The following TMEM132D variants were observed in gnomAD, a reference collection of about 807,000 sequenced individuals.
TMEM132D encodes transmembrane protein 132D, also known as mature OL transmembrane protein.
In TMEM132D, 21 loss-of-function variants were observed where a neutral mutation model predicts 62.3. The ratio of observed to expected loss-of-function variants is 0.34; its 90% CI spans 0.24 to 0.49. The LOEUF is 0.49. Among genes scored for constraint, TMEM132D ranks in the 20% least tolerant of loss-of-function variants. TMEM132D has a pLI of 0.99. For missense variants in TMEM132D, 1,346 were observed against 1,402.8 expected (o/e 0.96, Z 0.65); for synonymous variants, 621 against 575.6 (o/e 1.08, Z -1.13).
chr12:129,824,669 C>A (rs531804209), intron 1 of TMEM132D, among the ~76,000 whole-genome samples: 1 of 152,208 alleles, frequency 6.6e-6, no homozygotes, highest in Non-Finnish European at 1.5e-5. Context: ...AGAGCCCTCA[C>A]CAGAAACTGA....
At chr12:129,777,222 G>A (rs1870967542) in intron 1 of TMEM132D, among the ~76,000 whole-genome samples, 1 of 152,254 alleles carries the variant, frequency 6.6e-6, no homozygotes, top group Non-Finnish European at 1.5e-5. Context: ...TGAAAAGCGA[G>A]TCAGGCAGGA....
intron 2 of TMEM132D, among the ~76,000 whole-genome samples, chr12:129,618,867 A>G (rs941196757): frequency 3.9e-5 from 6 of 152,196 alleles, no homozygotes; most frequent in African/African-American, 1.4e-4. Context: ...GAAGACATCA[A>G]TCTCTACATG....
chr12:129,611,913 T>C (rs1354158290), intron 2 of TMEM132D, among the ~76,000 whole-genome samples: 3 of 152,176 alleles, frequency 2.0e-5, no homozygotes, highest in South Asian at 2.1e-4. Context: ...GCTCCCATTC[T>C]GTTCCCACTA....
chr12:129,668,460 C>A (rs191825197), intron 2 of TMEM132D, among the ~76,000 whole-genome samples: 1 of 151,702 alleles, frequency 6.6e-6, no homozygotes, highest in East Asian at 2.0e-4. Flanking sequence ...AGATGTACGA[C>A]CCTGACTGCA....
At chr12:129,649,418 C>A (rs1004102239) in intron 2 of TMEM132D, among the ~76,000 whole-genome samples, 1 of 152,146 alleles carries the variant, frequency 6.6e-6, no homozygotes. Context: ...CACCCCCACA[C>A]AGGGTAAAAT....
intron 4 of TMEM132D, among the ~76,000 whole-genome samples, chr12:129,311,980 T>C (rs1881987784): frequency 6.6e-6 from 1 of 152,124 alleles, no homozygotes; most frequent in Non-Finnish European, 1.5e-5. Context: ...GACGCAATTG[T>C]GTGCAATGGT....
chr12:129,331,249 T>A (rs74614915), intron 4 of TMEM132D, among the ~76,000 whole-genome samples: 2 of 152,220 alleles, frequency 1.3e-5, no homozygotes, highest in African/African-American at 4.8e-5. Flanking sequence ...GATTCTTCAC[T>A]TTTGTTTAAG....
At chr12:129,329,843 A>G (rs1337030512) in intron 4 of TMEM132D, among the ~76,000 whole-genome samples, 5 of 152,222 alleles carry the variant, frequency 3.3e-5, no homozygotes, top group Non-Finnish European at 7.3e-5. Flanking sequence ...AGGAGAATAC[A>G]TCCCAAAGAT....
chr12:129,769,722 C>T (rs957278080), intron 1 of TMEM132D, among the ~76,000 whole-genome samples: 6 of 152,200 alleles, frequency 3.9e-5, no homozygotes, highest in African/African-American at 1.4e-4. Context: ...GTGCTGGCAA[C>T]AGGCATTTGA....
chr12:129,458,346 A>T (rs562262497), intron 3 of TMEM132D, among the ~76,000 whole-genome samples: 1 of 151,866 alleles, frequency 6.6e-6, no homozygotes, highest in African/African-American at 2.4e-5. Context: ...ACAATAAAAA[A>T]TGGTGTTGGC....
chr12:129,521,325 T>C (rs899804400), intron 3 of TMEM132D: 8 of 152,198 alleles, frequency 5.3e-5, no homozygotes, highest in African/African-American at 1.9e-4. Context: ...GAATCATTTG[T>C]TTAAAGAAGT....
intron 3 of TMEM132D, among the ~76,000 whole-genome samples, chr12:129,365,002 T>C (rs1348569089): frequency 2.6e-5 from 4 of 152,232 alleles, no homozygotes; most frequent in African/African-American, 7.2e-5. Context: ...TTCAAATGAA[T>C]GTACAGCATT....
intron 2 of TMEM132D, among the ~76,000 whole-genome samples, chr12:129,651,067 G>C (rs144047917): frequency 8.7e-4 from 132 of 152,232 alleles, no homozygotes; most frequent in African/African-American, 3.1e-3. Context: ...TCAATCCCGG[G>C]TAATGAATGA....
chr12:129,640,863 G>A (rs1317062141), intron 2 of TMEM132D, among the ~76,000 whole-genome samples: 3 of 152,088 alleles, frequency 2.0e-5, no homozygotes, highest in East Asian at 3.9e-4. Flanking sequence ...AGCAGCATTA[G>A]ATTCTCATAG....
chr12:129,286,495 T>C (rs1177038690), intron 4 of TMEM132D, among the ~76,000 whole-genome samples: 1 of 152,138 alleles, frequency 6.6e-6, no homozygotes, highest in Non-Finnish European at 1.5e-5. Flanking sequence ...GCTAAATAAA[T>C]AGAAAGGTAA....
intron 3 of TMEM132D, among the ~76,000 whole-genome samples, chr12:129,360,265 G>A (rs1180676930): frequency 6.6e-6 from 1 of 152,178 alleles, no homozygotes; most frequent in Non-Finnish European, 1.5e-5. Flanking sequence ...CCAAAGAGAA[G>A]CTGAACTTGC....
intron 4 of TMEM132D, among the ~76,000 whole-genome samples, chr12:129,230,798 T>C (rs986114292): frequency 2.6e-5 from 4 of 152,220 alleles, no homozygotes; most frequent in African/African-American, 9.6e-5. Flanking sequence ...AAATCTGCTC[T>C]GCTAACAGTA....
At chr12:129,195,327 G>A (rs1427031851) in intron 5 of TMEM132D, among the ~76,000 whole-genome samples, 1 of 152,108 alleles carries the variant, frequency 6.6e-6, no homozygotes, top group East Asian at 1.9e-4. Flanking sequence ...AATGAGGTGA[G>A]GATGGTAGGG....
Position 129,592,026 on chromosome 12 carries a change from A to G in TMEM132D, c.969-60821T>C, listed in dbSNP as rs550730409. 4.8e-4 allele frequency among the ~76,000 whole-genome samples: 73 copies of G among 152,302 alleles called. No individual in the cohort carries two copies. The Middle Eastern group carries it at 0.01, about 21-fold the overall frequency. On this transcript the variant is annotated intron_variant, in intron 2 of 8. Coordinates refer to ENST00000422113, the MANE Select transcript of TMEM132D (RefSeq NM_133448.3). Reference sequence around the variant, plus strand: ...TTATCTAGATAACATATTTGAAAAAAGGCTAATAAAGTTTTTTTCTTTCTA... The same window carrying G: ...TTATCTAGATAACATATTTGAAAAAGGGCTAATAAAGTTTTTTTCTTTCTA...
Sources: gnomAD v4.1 joint callset for allele counts (sites outside exome capture counted in the v4.1 genomes callset) on GRCh38, gnomAD v4.1.1 for gene constraint, MANE v1.5 for transcripts, NCBI Gene and HGNC (gene_info 2026-07-23, HGNC 2026-07-21) for gene names.